Variants in AK3 observed in about 807,000 individuals in gnomAD.
AK3 encodes GTP:AMP phosphotransferase AK3, mitochondrial.
In AK3, 27 loss-of-function variants were observed where a neutral mutation model predicts 23.7. The observed-to-expected ratio is 1.14, with a 90% CI of 0.84 to 1.57. AK3 has a LOEUF of 1.57. Among genes scored for constraint, AK3 ranks in the 40% most tolerant of loss-of-function variants. The probability of loss-of-function intolerance (pLI) is 0.00; values close to 1 mark genes in which losing one functional copy is unlikely to be tolerated. For missense variants in AK3, 406 were observed against 285.6 expected (o/e 1.42, Z -3.04); for synonymous variants, 159 against 116.0 (o/e 1.37, Z -2.38).
chr9:4,738,937 A>C (rs1222313116), intron 1 of AK3, among the ~76,000 whole-genome samples: 1 of 151,764 alleles, frequency 6.6e-6, no homozygotes, highest in Admixed American at 6.6e-5. Flanking sequence ...ATGCCCAGCT[A>C]ATTTTTTGTA....
In AK3 at chr9:4,712,944, A is replaced by G; in HGVS notation, c.*32T>C. 3 of 1,605,374 alleles carry G rather than the reference A, an allele frequency of 1.9e-6. No homozygotes were observed. Among genetic ancestry groups the G allele is most frequent in the East Asian group, 4.5e-5 (2 of 44,758 alleles). On this transcript the variant is annotated 3_prime_UTR_variant, in exon 5 of 5. Coordinates refer to ENST00000381809, the MANE Select transcript of AK3 (RefSeq NM_016282.4). ...AATGCAAGGACTAGGAGGTTTGCCC[A>G]TCTTACTATTAATAGTTACACACAT...
chr9:4,718,770 C>A (rs1387813065), intron 3 of AK3, among the ~76,000 whole-genome samples: 2 of 151,902 alleles, frequency 1.3e-5, no homozygotes, highest in Non-Finnish European at 1.5e-5. Context: ...AAAAGGTTTT[C>A]TAAGCAGCCT....
chr9:4,733,517 C>A (rs1364034498), intron 1 of AK3, among the ~76,000 whole-genome samples: 2 of 152,258 alleles, frequency 1.3e-5, no homozygotes, highest in East Asian at 3.9e-4. Context: ...TTATAATACT[C>A]TGATGCATGG....
chr9:4,738,426 A>C (rs890417718), intron 1 of AK3, among the ~76,000 whole-genome samples: 1 of 152,150 alleles, frequency 6.6e-6, no homozygotes, highest in African/African-American at 2.4e-5. Context: ...TCAGCCTCCC[A>C]AAGTGCTAGG....
At chr9:4,739,416 A>G (rs1276034664) in intron 1 of AK3, among the ~76,000 whole-genome samples, 1 of 151,150 alleles carries the variant, frequency 6.6e-6, no homozygotes, top group African/African-American at 2.4e-5. Context: ...CTGGTCTAGA[A>G]CTGCTAAGGT....
chr9:4,731,026 T>C (rs1842140909), intron 1 of AK3, among the ~76,000 whole-genome samples: 1 of 152,224 alleles, frequency 6.6e-6, no homozygotes, highest in African/African-American at 2.4e-5. Context: ...GCTGGAAGGA[T>C]GGTCTTGTAA....
intron 1 of AK3, among the ~76,000 whole-genome samples, chr9:4,725,910 T>C (rs1392885037): frequency 6.6e-6 from 1 of 152,006 alleles, no homozygotes; most frequent in Non-Finnish European, 1.5e-5. Flanking sequence ...AAAAGACACA[T>C]ACAGGCCTAC....
chr9:4,717,075 T>G lies in AK3; in HGVS notation c.563+1344A>C, dbSNP rs950593637. ...GCCCAGTTCTAAGAGTTACCCATAT[T>G]AATCTTTCAAACCTTTATTCTCTTC... On this transcript the variant is annotated intron_variant, in intron 4 of 4. Coordinates refer to ENST00000381809, the MANE Select transcript of AK3 (RefSeq NM_016282.4). 6.7e-4 allele frequency among the ~76,000 whole-genome samples: 102 copies of G among 152,222 alleles called. 2 individuals are homozygous for G. Among genetic ancestry groups the G allele is most frequent in the Non-Finnish European group, 1.4e-3 (97 of 68,032 alleles).
chr9:4,722,605 C>A lies in AK3; in HGVS notation c.172G>T (p.Ala58Ser), dbSNP rs769305592. The part of the protein sequence containing the change: ...RGTEIGVLAK[A>S]FIDQGKLIPD... Reference sequence around the variant, plus strand: ...ATGAGTTTCCCTTGGTCAATGAAAGCCTTGGCTAACACGCCAATTTCTACA... The same window carrying A: ...ATGAGTTTCCCTTGGTCAATGAAAGACTTGGCTAACACGCCAATTTCTACA... Residue 58 changes from alanine (A) to serine (S), a missense_variant, in exon 2 of 5, where the codon GCT becomes TCT. Physicochemically the swap from Ala to Ser is moderately conservative, Grantham distance 99. Coordinates refer to ENST00000381809, the MANE Select transcript of AK3 (RefSeq NM_016282.4). The A allele has an allele frequency of 6.2e-7, 1 of 1,614,194 alleles. No individual in the cohort carries two copies. The highest frequency in any genetic ancestry group is 1.7e-5 in the Admixed American group (1 of 60,028).
chr9:4,725,021 C>CTT (rs71497550), intron 1 of AK3, among the ~76,000 whole-genome samples: 100 of 67,498 alleles, frequency 1.5e-3, no homozygotes, highest in Middle Eastern at 6.0e-3. Context: ...CTACTAAACT[C>CTT]TTTTTTTTTT....
At chr9:4,736,109 C>A in intron 1 of AK3, among the ~76,000 whole-genome samples, 1 of 131,914 alleles carries the variant, frequency 7.6e-6, no homozygotes, top group African/African-American at 2.9e-5. Flanking sequence ...AGCGAGACTC[C>A]ATCTCAAAAA....
In AK3 at chr9:4,740,972, C is replaced by CCGCTGGAG. The variant is rs1257529477; in HGVS notation, c.108_115dup (p.Gly39AlafsTer20). ...CAGCATGTTGTCCCGGAGCAGGTCC[C>CCGCTGGAG]CGCTGGAGAGGTGCTTCAGCTCGAA... On this transcript the variant is annotated frameshift_variant, in exon 1 of 5. Coordinates refer to ENST00000381809, the MANE Select transcript of AK3 (RefSeq NM_016282.4). LOFTEE classifies it high-confidence loss of function. The CCGCTGGAG allele has an allele frequency of 6.3e-7, 1 of 1,586,406 alleles. No individual in the cohort carries two copies. Among genetic ancestry groups the CCGCTGGAG allele is most frequent in the Non-Finnish European group, 8.6e-7 (1 of 1,168,628 alleles).
rs762691609 is a variant in AK3, at chr9:4,713,011, G to A, written c.649C>T (p.Pro217Ser). 4 of 1,613,562 alleles carry A rather than the reference G, an allele frequency of 2.5e-6. No homozygotes were observed. The highest frequency in any genetic ancestry group is 2.5e-6 in the Non-Finnish European group (3 of 1,179,696). Residue 217 changes from proline to serine, a missense_variant, in exon 5 of 5, where the codon CCA (proline) becomes TCA (serine). By Grantham distance (74) the Pro-to-Ser change is moderately conservative. Coordinates refer to ENST00000381809, the MANE Select transcript of AK3 (RefSeq NM_016282.4). ...YVYAFLQTKV[P>S]QRSQKASVTP ...ACTGAAGCTTTCTGGCTTCTTTGTGGAACTTTAGTTTGTAGGAAAGCATAT... is the reference window on the plus strand; with the variant it reads ...ACTGAAGCTTTCTGGCTTCTTTGTGAAACTTTAGTTTGTAGGAAAGCATAT...
intron 4 of AK3, among the ~76,000 whole-genome samples, chr9:4,713,982 A>ATATACACGCCTACACATACACG: frequency 1.9e-4 from 1 of 5,356 alleles, no homozygotes; most frequent in East Asian, 3.6e-3. Context: ...ACATTTACAC[A>ATATACACGCCTACACATACACG]CCTACACATA....
intron 1 of AK3, among the ~76,000 whole-genome samples, chr9:4,734,336 G>A (rs559189607): frequency 6.6e-6 from 1 of 152,328 alleles, no homozygotes; most frequent in Admixed American, 6.5e-5. Flanking sequence ...CCTAGTGTGT[G>A]GTATTGTGTT....
chr9:4,741,082 C>T lies in AK3; in HGVS notation c.6G>A (p.Gly2=), dbSNP rs749089910. ...CCGCTCGCAGCAGCCGCGCGGACGCCCCCATGGCCGCAGACTGAGGCCCGC... is the reference window on the plus strand; with the variant it reads ...CCGCTCGCAGCAGCCGCGCGGACGCTCCCATGGCCGCAGACTGAGGCCCGC... M[G]ASARLLRAVI... The change falls in exon 1 of 5, where the codon GGG becomes GGA. Residue 2 remains glycine, a synonymous_variant. Transcript: ENST00000381809. 1.3e-6 allele frequency: 2 copies of T among 1,539,560 alleles called. No individual in the cohort carries two copies. The highest frequency in any genetic ancestry group is 1.7e-6 in the Non-Finnish European group (2 of 1,144,550).
At chr9:4,728,850 T>C (rs1432108283) in intron 1 of AK3, among the ~76,000 whole-genome samples, 987 of 23,478 alleles carry the variant, frequency 0.042, 13 homozygotes, top group African/African-American at 0.066. Context: ...TATATATATA[T>C]ATATATATAT....
intron 1 of AK3, among the ~76,000 whole-genome samples, chr9:4,734,503 T>C (rs1842225017): frequency 6.6e-6 from 1 of 152,196 alleles, no homozygotes; most frequent in Non-Finnish European, 1.5e-5. Context: ...CCTGAATGAA[T>C]GGTTAGATGG....
At chr9:4,728,852 T>TAC (rs1224091484) in intron 1 of AK3, among the ~76,000 whole-genome samples, 71 of 26,062 alleles carry the variant, frequency 2.7e-3, no homozygotes, top group East Asian at 4.7e-3. Context: ...TATATATATA[T>TAC]ATATATATAT....
Sources: allele counts gnomAD v4.1 joint callset (sites outside exome capture counted in the v4.1 genomes callset), GRCh38; gene constraint gnomAD v4.1.1; transcripts MANE v1.5; gene names NCBI Gene and HGNC (gene_info 2026-07-23, HGNC 2026-07-21).